PBRM1: variants seen among roughly 807,000 people sequenced by gnomAD.
PBRM1 encodes protein polybromo-1.
In PBRM1, 27 loss-of-function variants were observed where a neutral mutation model predicts 194.5. That is an observed-to-expected ratio of 0.14 (90% CI 0.10 to 0.19). The LOEUF (loss-of-function observed/expected upper bound fraction) is 0.19. PBRM1 is among the 10% of genes least tolerant of loss of function. The pLI is 1.00. For missense variants in PBRM1, 1,466 were observed against 2,077.2 expected (o/e 0.71, Z 5.72); for synonymous variants, 655 against 693.2 (o/e 0.94, Z 0.87).
chr3:52,580,001 G>T (rs2090684662), intron 20 of PBRM1, among the ~76,000 whole-genome samples: 1 of 152,182 alleles, frequency 6.6e-6, no homozygotes, highest in South Asian at 2.1e-4. Context: ...CAGCACACTG[G>T]GAGGACAAGG....
At chr3:52,635,320 A>T (rs57401769) in intron 10 of PBRM1, among the ~76,000 whole-genome samples, 5,854 of 152,238 alleles carry the variant, frequency 0.038, 380 homozygotes, top group African/African-American at 0.13. Flanking sequence ...TAATCCCAGC[A>T]CTTTTGAGAG....
At position 52,653,055 on chromosome 3, in the gene PBRM1, C is replaced by CA. The variant is rs559635389; in HGVS notation, c.646-1246dup. Among the ~76,000 whole-genome samples, 613 of 152,198 alleles carry CA rather than the reference C, an allele frequency of 4.0e-3. 3 individuals carry two copies. The highest frequency in any genetic ancestry group is 0.023 in the South Asian group (109 of 4,822). On this transcript the variant is annotated intron_variant, in intron 5 of 29. Coordinates refer to ENST00000296302, the Ensembl canonical transcript of PBRM1. ...TTATACAATTTTTCATTTAAGGTCCCAAGATATCTATGCCTAGAAATAAAG... is the reference window on the plus strand; with the variant it reads ...TTATACAATTTTTCATTTAAGGTCCCAAAGATATCTATGCCTAGAAATAAAG...
At chr3:52,608,052 G>A (rs58212306) in intron 16 of PBRM1, among the ~76,000 whole-genome samples, 1 of 152,200 alleles carries the variant, frequency 6.6e-6, no homozygotes, top group African/African-American at 2.4e-5. Flanking sequence ...GTGGCCCACA[G>A]AGTTCCTTAC....
intron 20 of PBRM1, among the ~76,000 whole-genome samples, chr3:52,581,436 T>C (rs996982905): frequency 6.7e-6 from 1 of 150,020 alleles, no homozygotes; most frequent in African/African-American, 2.5e-5. Flanking sequence ...CTTGAACTCA[T>C]GAGGCGGAGG....
At chr3:52,627,245 T>C (rs1203193525) in intron 13 of PBRM1, 28 bp downstream of exon 14, 6 of 1,233,056 alleles carry the variant, frequency 4.9e-6, no homozygotes, top group Non-Finnish European at 7.1e-6. Context: ...GGAACTGAGA[T>C]GTCCCCAGCT....
At chr3:52,547,783 A>G (rs2079868051), downstream of PBRM1, 2 of 288,864 alleles carry the variant, frequency 6.9e-6, no homozygotes. Context: ...GTAAAAAGAT[A>G]AAACTCCAAG....
chr3:52,620,463 T>G (rs1240408159), intron 13 of PBRM1, among the ~76,000 whole-genome samples: 1 of 152,060 alleles, frequency 6.6e-6, no homozygotes, highest in Non-Finnish European at 1.5e-5. Flanking sequence ...GACCAGGAGG[T>G]GCTCACCCCA....
At chr3:52,621,303 G>GCA (rs1354344956) in intron 13 of PBRM1, among the ~76,000 whole-genome samples, 2 of 152,104 alleles carry the variant, frequency 1.3e-5, no homozygotes, top group African/African-American at 2.4e-5. Context: ...GGGACTACAG[G>GCA]TGCCTGCCAC....
At chr3:52,574,673 G>A (rs1156735094) in intron 22 of PBRM1, among the ~76,000 whole-genome samples, 3 of 152,124 alleles carry the variant, frequency 2.0e-5, no homozygotes, top group African/African-American at 7.2e-5. Context: ...TCTCATTTCT[G>A]GCTGACCTTC....
At chr3:52,633,440 T>C (rs750481536) in intron 11 of PBRM1, among the ~76,000 whole-genome samples, 64 of 152,214 alleles carry the variant, frequency 4.2e-4, no homozygotes, top group Non-Finnish European at 6.0e-4. Flanking sequence ...AGCTTCCATG[T>C]TTTAGCTATT....
In PBRM1 at chr3:52,642,061, A is replaced by AGCAATTAGAC; in HGVS notation, c.996-17_996-16insGTCTAATTGC. On this transcript the variant is annotated splice_polypyrimidine_tract_variant and intron_variant, in intron 9 of 29. Transcript: ENST00000296302. ...TCTTTTATTACTACAAAAAAAAAAA[A>AGCAATTAGAC]AGCAATTAGACAGGGAAGGATGTTA... 1 of 1,292,632 alleles carries AGCAATTAGAC rather than the reference A, an allele frequency of 7.7e-7. No homozygotes were observed. Among genetic ancestry groups the AGCAATTAGAC allele is most frequent in the Non-Finnish European group, 1.1e-6 (1 of 892,706 alleles). 80.1% of individuals were successfully genotyped at this position (1,292,632 alleles called of 1,614,324 possible).
At chr3:52,573,311 G>C (rs1282244621) in intron 22 of PBRM1, among the ~76,000 whole-genome samples, 1 of 150,786 alleles carries the variant, frequency 6.6e-6, no homozygotes, top group Non-Finnish European at 1.5e-5. Flanking sequence ...TTGTTACATA[G>C]AGTCTCTTGC....
downstream of PBRM1, chr3:52,545,374 G>A: frequency 8.8e-6 from 2 of 226,034 alleles, 1 homozygote. Flanking sequence ...AAATCACTTT[G>A]CAAACTCTGT....
rs1347423524 is a variant in PBRM1 at position 52,563,230 on chromosome 3, G to C, written c.4086+53C>G. The stretch of plus-strand genomic sequence containing the variant: ...GTCACTTTACTTTGGTTTTGAGTCT[G>C]CTGCAAACCAAAGGTGGTAATAAGA... On this transcript the variant is annotated intron_variant, in intron 24 of 29. Transcript: ENST00000296302. The C allele has an allele frequency of 7.8e-6, 11 of 1,414,032 alleles. No homozygotes were observed. The East Asian group carries it at 2.3e-4, about 29-fold the overall frequency. 87.6% of individuals were successfully genotyped at this position (1,414,032 alleles called of 1,614,324 possible). A position where few individuals can be genotyped will look rare whatever the true frequency, so the allele number is the denominator to read the frequency against.
At chr3:52,639,218 T>G (rs2095967307) in intron 10 of PBRM1, among the ~76,000 whole-genome samples, 1 of 152,014 alleles carries the variant, frequency 6.6e-6, no homozygotes, top group Admixed American at 6.6e-5. Context: ...TCAGGTGATC[T>G]GCCCACCTCA....
chr3:52,675,437 T>G (rs774902192), intron 2 of PBRM1, among the ~76,000 whole-genome samples: 2 of 152,240 alleles, frequency 1.3e-5, no homozygotes, highest in Non-Finnish European at 2.9e-5. Context: ...ATATCCCTTA[T>G]GAATACTGAT....
chr3:52,679,670 A>G, exon 1 of PBRM1: 1 of 1,613,838 alleles, frequency 6.2e-7, no homozygotes, highest in Non-Finnish European at 8.5e-7. Context: ...CCCCGCTGAC[A>G]CTGCTGGAAG....
chr3:52,648,485 T>C (rs927176696), intron 6 of PBRM1, 43 bp from the exon 8 acceptor site: 7 of 1,039,570 alleles, frequency 6.7e-6, no homozygotes, highest in East Asian at 2.4e-5. Context: ...TTAATGAGAG[T>C]TCATCAGTAC....
chr3:52,580,432 C>T (rs2153697022), intron 20 of PBRM1, among the ~76,000 whole-genome samples: 1 of 152,184 alleles, frequency 6.6e-6, no homozygotes, highest in East Asian at 1.9e-4. Context: ...GATATTGGCT[C>T]ACTGCAAGCT....
Sources: allele counts gnomAD v4.1 joint callset (sites outside exome capture counted in the v4.1 genomes callset), GRCh38; gene constraint gnomAD v4.1.1; transcripts MANE v1.5; gene names NCBI Gene and HGNC (gene_info 2026-07-23, HGNC 2026-07-21).